Variants in MTA1 observed in about 807,000 individuals in gnomAD.
MTA1 encodes the protein metastasis-associated protein MTA1.
A neutral mutation model predicts 97.0 loss-of-function variants in MTA1; 15 were observed. The ratio of observed to expected loss-of-function variants is 0.15; its 90% confidence interval spans 0.10 to 0.24. MTA1 has a LOEUF of 0.24. MTA1 is among the 10% of genes least tolerant of loss of function. The probability of loss-of-function intolerance (pLI) is 1.00; values close to 1 mark genes in which losing one functional copy is unlikely to be tolerated. For synonymous variants in MTA1, 435 were observed against 417.5 expected (o/e 1.04, Z -0.51); for missense variants, 709 against 1,015.1 (o/e 0.70, Z 4.10).
At chr14:105,451,775 C>CTTTTTTTTTTTTTTTTTTTTTTTT (rs1436886470) in intron 6 of MTA1, among the ~76,000 whole-genome samples, 2 of 118,268 alleles carry the variant, frequency 1.7e-5, no homozygotes, top group Non-Finnish European at 1.7e-5. Context: ...TTTTCTTTTT[C>CTTTTTTTTTTTTTTTTTTTTTTTT]TTTTTTTGTT....
intron 18 of MTA1, chr14:105,468,322 T>G: frequency 7.7e-7 from 1 of 1,304,342 alleles, no homozygotes; most frequent in Non-Finnish European, 1.0e-6. Flanking sequence ...CCCTCTGCTG[T>G]CCACCGCTCT....
chr14:105,431,580 C>G (rs951290869), intron 1 of MTA1, among the ~76,000 whole-genome samples: 5 of 152,200 alleles, frequency 3.3e-5, no homozygotes, highest in African/African-American at 4.8e-5. Context: ...GTTATTCATT[C>G]TATTACTTGT....
In MTA1 at chr14:105,426,531, G is replaced by A. The variant is rs1484663207; in HGVS notation, c.28+6468G>A. Among the ~76,000 whole-genome samples the A allele has an allele frequency of 2.6e-5, 4 of 152,322 alleles. No homozygotes were observed. The South Asian group carries it at 8.3e-4, about 32-fold the overall frequency. On this transcript the variant is annotated intron_variant, in intron 1 of 20. Coordinates refer to ENST00000331320, the MANE Select transcript of MTA1 (RefSeq NM_004689.4). Reference sequence around the variant, plus strand: ...GTGGGGGCTGGCCCTGAGGTGTGGCGTTCTCTGGGCTGGGCTAGGGCAGTT... The same window carrying A: ...GTGGGGGCTGGCCCTGAGGTGTGGCATTCTCTGGGCTGGGCTAGGGCAGTT...
intron 1 of MTA1, among the ~76,000 whole-genome samples, chr14:105,428,100 C>T (rs1555422624): frequency 6.6e-6 from 1 of 150,990 alleles, no homozygotes; most frequent in Non-Finnish European, 1.5e-5. Flanking sequence ...CTGTGGTTTT[C>T]CACTCATGCA....
intron 3 of MTA1, among the ~76,000 whole-genome samples, chr14:105,448,877 G>A (rs1395116335): frequency 6.6e-6 from 1 of 152,272 alleles, no homozygotes; most frequent in Admixed American, 6.5e-5. Flanking sequence ...GAGCCGGCAG[G>A]GCGCTGAGCG....
chr14:105,437,522 C>T (rs587736038), intron 1 of MTA1, among the ~76,000 whole-genome samples: 45 of 152,048 alleles, frequency 3.0e-4, no homozygotes, highest in African/African-American at 1.1e-3. Context: ...CTGGCGTGTC[C>T]TCAGGGGCAT....
Position 105,450,115 on chromosome 14 carries a change from A to C in MTA1, c.299A>C (p.Lys100Thr). ...PEMVDLPEKLKHQLRHRELFL... is the reference protein window; with the variant it reads ...PEMVDLPEKLTHQLRHRELFL... ...ATGGTGGACCTGCCCGAGAAACTAA[A>C]GCACCAGCTGCGGCATCGGGAGCTG... Residue 100 changes from lysine (K) to threonine (T), a missense_variant, in exon 5 of 21, where the codon AAG becomes ACG. Coordinates refer to ENST00000331320, the MANE Select transcript of MTA1 (RefSeq NM_004689.4). 6.2e-7 allele frequency: 1 copy of C among 1,613,358 alleles called. No homozygotes were observed. The highest frequency in any genetic ancestry group is 8.5e-7 in the Non-Finnish European group (1 of 1,179,874).
chr14:105,436,650 G>T (rs918630903), intron 1 of MTA1, among the ~76,000 whole-genome samples: 10 of 152,054 alleles, frequency 6.6e-5, no homozygotes, highest in Non-Finnish European at 1.5e-4. Flanking sequence ...TTCACTCCTG[G>T]CCCCTGCCGA....
At chr14:105,432,294 G>A (rs1412096147) in intron 1 of MTA1, among the ~76,000 whole-genome samples, 1 of 152,136 alleles carries the variant, frequency 6.6e-6, no homozygotes, top group Non-Finnish European at 1.5e-5. Flanking sequence ...AGGCTGGAGT[G>A]CAGTGGCGTG....
rs368426908 is a variant in MTA1, at chr14:105,465,089, C to T, written c.1535-5C>T. 5.0e-5 allele frequency: 75 copies of T among 1,508,728 alleles called. No homozygotes were observed. Among genetic ancestry groups the T allele is most frequent in the Non-Finnish European group, 6.5e-5 (73 of 1,123,078 alleles). The allele number at this position is 1,508,728 out of a possible 1,614,324, so 93.5% of individuals were successfully genotyped here. A position where few individuals can be genotyped will look rare whatever the true frequency, so the allele number is the denominator to read the frequency against. On this transcript the variant is annotated splice_region_variant and splice_polypyrimidine_tract_variant and intron_variant, in intron 15 of 20. Transcript: ENST00000331320. The stretch of plus-strand genomic sequence containing the variant: ...CCACCCCTCACACCGTGTGGTACCC[C>T]GCAGGCACGGCGCGGCTGCCCGAAG...
Position 105,466,507 on chromosome 14 carries a change from C to A in MTA1, c.1706C>A (p.Ala569Asp), listed in dbSNP as rs1555432874. The A allele has an allele frequency of 6.4e-7, 1 of 1,556,204 alleles. No homozygotes were observed. Among genetic ancestry groups the A allele is most frequent in the Non-Finnish European group, 8.7e-7 (1 of 1,148,386 alleles). ...VLSSLTPAKV[A>D]PVINNGSPTI... is the part of the protein sequence containing the mutation. ...AGCAGCCTGACGCCCGCCAAGGTGG[C>A]CCCCGTCATCAACAACGGCTCCCCC... The change falls in exon 17 of 21, where the codon GCC becomes GAC. Residue 569 changes from alanine (A) to aspartate (D), a missense_variant. By Grantham distance (126) the Ala-to-Asp change is moderately radical (BLOSUM62 -2). Coordinates refer to ENST00000331320, the MANE Select transcript of MTA1 (RefSeq NM_004689.4).
rs587710987 is a variant in MTA1, at chr14:105,422,407, G to A, written c.28+2344G>A. Among the ~76,000 whole-genome samples, 9 of 152,224 alleles carry A rather than the reference G, an allele frequency of 5.9e-5. No individual in the cohort carries two copies. The East Asian group carries it at 1.4e-3, about 23-fold the overall frequency. On this transcript the variant is annotated intron_variant, in intron 1 of 20. Transcript: ENST00000331320. This position sits in a 1 kb window ranked among gnomAD's most constrained non-coding sequence, Gnocchi z 4.3. Reference sequence around the variant, plus strand: ...AGTGTCTCCTGAGCAGCCTTTGTCCGTCTGTCGCCGGCTGCCTGGCACGGG... The same window carrying A: ...AGTGTCTCCTGAGCAGCCTTTGTCCATCTGTCGCCGGCTGCCTGGCACGGG...
intron 1 of MTA1, among the ~76,000 whole-genome samples, chr14:105,426,385 A>AG (rs2082015133): frequency 6.6e-6 from 1 of 151,332 alleles, no homozygotes; most frequent in African/African-American, 2.4e-5. Context: ...CAAAAAAAAA[A>AG]AAAAAAAAAA....
At chr14:105,440,440 T>C (rs1367292776) in intron 2 of MTA1, among the ~76,000 whole-genome samples, 1 of 152,224 alleles carries the variant, frequency 6.6e-6, no homozygotes, top group Non-Finnish European at 1.5e-5. Flanking sequence ...GAGGCTGCAG[T>C]GCCTCCGTGG....
chr14:105,423,919 G>T (rs587766502), intron 1 of MTA1, among the ~76,000 whole-genome samples: 2 of 152,354 alleles, frequency 1.3e-5, no homozygotes, highest in South Asian at 4.1e-4. Context: ...CTAGGCACTT[G>T]CTGCTCCATG....
intron 6 of MTA1, among the ~76,000 whole-genome samples, chr14:105,452,083 C>T (rs1203339533): frequency 1.3e-5 from 2 of 152,178 alleles, no homozygotes; most frequent in Non-Finnish European, 2.9e-5. Context: ...TGAGCCACTG[C>T]GCCCAGCCAC....
At chr14:105,452,496 A>G (rs1367321985) in intron 6 of MTA1, among the ~76,000 whole-genome samples, 1 of 152,252 alleles carries the variant, frequency 6.6e-6, no homozygotes, top group Non-Finnish European at 1.5e-5. Context: ...CCTGGGCATC[A>G]TAGTGAGACC....
At chr14:105,446,828 G>T (rs587746409) in intron 3 of MTA1, among the ~76,000 whole-genome samples, 51 of 152,360 alleles carry the variant, frequency 3.3e-4, no homozygotes, top group African/African-American at 1.2e-3. Flanking sequence ...CCTGTGGCTG[G>T]CCCAAAGGGA....
chr14:105,451,762 C>A (rs587632530), intron 6 of MTA1, among the ~76,000 whole-genome samples: 23 of 148,056 alleles, frequency 1.6e-4, no homozygotes, highest in East Asian at 1.0e-3. Context: ...GCCCTTCCCC[C>A]CTTTTTCTTT....
Sources: gnomAD v4.1 joint callset for allele counts (sites outside exome capture counted in the v4.1 genomes callset) on GRCh38, gnomAD v4.1.1 for gene constraint, Gnocchi (gnomAD v3.1) non-coding constraint, MANE v1.5 for transcripts, NCBI Gene and HGNC (gene_info 2026-07-23, HGNC 2026-07-21) for gene names.